RLBP1: variants seen among roughly 807,000 people sequenced by gnomAD.
The protein encoded by RLBP1 is retinaldehyde-binding protein 1.
RLBP1 carries 26 observed loss-of-function variants against 36.2 expected under a neutral mutation model. That is an observed-to-expected ratio of 0.72 (90% confidence interval 0.53 to 1.00). The LOEUF (loss-of-function observed/expected upper bound fraction) is 1.00. Among genes scored for constraint, RLBP1 ranks in the 50% least tolerant of loss-of-function variants. The pLI, the probability that RLBP1 is intolerant of heterozygous loss-of-function variation, is 0.00. For missense variants in RLBP1, 410 were observed against 402.4 expected, an observed-to-expected ratio of 1.02 and a Z score of -0.16; for synonymous variants, 155 against 156.2, an observed-to-expected ratio of 0.99 and a Z score of 0.06.
rs926913264 is a variant in RLBP1, at chr15:89,210,921, A to G, written c.685-112T>C. ...ATAGAACAGACTTGTCCAGCATCACAGGGCTGCCCTGGAGAAGGGCCCACT... is the reference window on the plus strand; with the variant it reads ...ATAGAACAGACTTGTCCAGCATCACGGGGCTGCCCTGGAGAAGGGCCCACT... On this transcript the variant is annotated intron_variant, in intron 7 of 8. Coordinates refer to ENST00000268125, the MANE Select transcript of RLBP1 (RefSeq NM_000326.5). The surrounding 1 kb of genome is among the most constrained non-coding windows in gnomAD (Gnocchi z 4.7). The G allele has an allele frequency of 4.1e-6, 3 of 737,752 alleles. No individual in the cohort carries two copies. The highest frequency in any genetic ancestry group is 3.5e-5 in the African/African-American group (2 of 57,042). The allele number at this position is 737,752 out of a possible 1,614,324, so 45.7% of individuals were successfully genotyped here.
At chr15:89,216,112 TC>T (rs1321788662) in intron 5 of RLBP1, among the ~76,000 whole-genome samples, 1 of 152,198 alleles carries the variant, frequency 6.6e-6, no homozygotes, top group Non-Finnish European at 1.5e-5. Flanking sequence ...GAATATGAGT[TC>T]CACCAGGGCA....
Position 89,216,379 on chromosome 15 carries a change from A to C in RLBP1, c.346+741T>G, listed in dbSNP as rs556335149. On this transcript the variant is annotated intron_variant, in intron 5 of 8. Coordinates refer to ENST00000268125, the MANE Select transcript of RLBP1 (RefSeq NM_000326.5). ...CTCTTGTTGCCCAGGCTGGAGTGCAATGGCACGATCTCAGCTCACCGCAAC... is the reference window on the plus strand; with the variant it reads ...CTCTTGTTGCCCAGGCTGGAGTGCACTGGCACGATCTCAGCTCACCGCAAC... 3.5e-3 allele frequency among the ~76,000 whole-genome samples: 526 copies of C among 151,542 alleles called. 6 individuals carry two copies. Among genetic ancestry groups the C allele is most frequent in the South Asian group, 4.2e-3 (20 of 4,800 alleles).
chr15:89,210,275 G>T lies in RLBP1; in HGVS notation c.*10C>A. On this transcript the variant is annotated 3_prime_UTR_variant, in exon 9 of 9. Transcript: ENST00000268125. This position sits in a 1 kb window ranked among gnomAD's most constrained non-coding sequence, Gnocchi z 4.7. The stretch of plus-strand genomic sequence containing the variant: ...GATTCTAACTACAGTTCAGCTGGCA[G>T]GAGATGTTTTCAGAAGGCTGTGTTC... 1 of 1,613,730 alleles carries T rather than the reference G, an allele frequency of 6.2e-7. No individual in the cohort carries two copies.
intron 1 of RLBP1, among the ~76,000 whole-genome samples, chr15:89,220,534 T>G (rs2051618033): frequency 6.6e-6 from 1 of 152,168 alleles, no homozygotes; most frequent in African/African-American, 2.4e-5. Flanking sequence ...TTCCTGCTCT[T>G]TCCACTCCAC....
At position 89,210,143 on chromosome 15, in the gene RLBP1, GT is replaced by G; in HGVS notation, c.*141del. 1.1e-6 allele frequency: 1 copy of G among 905,546 alleles called. No homozygotes were observed. Among genetic ancestry groups the G allele is most frequent in the Non-Finnish European group, 1.8e-6 (1 of 557,252 alleles). The allele number at this position is 905,546 out of a possible 1,614,324, so 56.1% of individuals were successfully genotyped here. On this transcript the variant is annotated 3_prime_UTR_variant, in exon 9 of 9. Coordinates refer to ENST00000268125, the MANE Select transcript of RLBP1 (RefSeq NM_000326.5). This position sits in a 1 kb window ranked among gnomAD's most constrained non-coding sequence, Gnocchi z 4.7. ...ACCCATCCCCCAACTTGAGAACAGG[GT>G]GACACCTGAGCTCACTCGGGCTTAG...
intron 6 of RLBP1, among the ~76,000 whole-genome samples, chr15:89,212,109 T>C (rs2051543314): frequency 6.6e-6 from 1 of 152,192 alleles, no homozygotes; most frequent in Admixed American, 6.5e-5. Flanking sequence ...TTTATCCCAG[T>C]ACTCTTGCAA....
At chr15:89,217,464 C>A in intron 4 of RLBP1, 140 bp from the exon 5 acceptor site, 1 of 784,628 alleles carries the variant, frequency 1.3e-6, no homozygotes, top group South Asian at 1.5e-5. Flanking sequence ...TTTTCTGCCC[C>A]AGGGGCAGCA....
rs2150971266 is a variant in RLBP1 at position 89,217,223 on chromosome 15, C to G, written c.243G>C (p.Ala81=). The G allele has an allele frequency of 6.2e-7, 1 of 1,613,108 alleles. No individual in the cohort carries two copies. The highest frequency in any genetic ancestry group is 8.5e-7 in the Non-Finnish European group (1 of 1,180,034). Reference sequence around the variant, plus strand: ...CTTGCACCCTCTCCGCCACGGCCACCGCCAGCTCCTCCCCCGAGGCCGCCT... The same window carrying G: ...CTTGCACCCTCTCCGCCACGGCCACGGCCAGCTCCTCCCCCGAGGCCGCCT... ...QAQAASGEEL[A]VAVAERVQEK... Residue 81 remains alanine (A), a synonymous_variant, in exon 5 of 9, where the codon GCG becomes GCC. Transcript: ENST00000268125.
chr15:89,220,963 A>G (rs1248866647), intron 1 of RLBP1, among the ~76,000 whole-genome samples: 1 of 151,896 alleles, frequency 6.6e-6, no homozygotes, highest in Non-Finnish European at 1.5e-5. Flanking sequence ...CTGCCATCTC[A>G]GATTACCAAT....
rs1156576236 is a variant in RLBP1, at chr15:89,214,277, A to G, written c.525+783T>C. 6.6e-6 allele frequency among the ~76,000 whole-genome samples: 1 copy of G among 152,126 alleles called. No individual in the cohort carries two copies. The highest frequency in any genetic ancestry group is 2.4e-5 in the African/African-American group (1 of 41,436). On this transcript the variant is annotated intron_variant, in intron 6 of 8. Transcript: ENST00000268125. The surrounding 1 kb of genome is among the most constrained non-coding windows in gnomAD (Gnocchi z 4.6). ...GGAGTTTGAGACCAGCCTGGCCAAC[A>G]TGGTGAAACCCCGTCTCTACTAAAA...
chr15:89,212,002 A>G (rs1307494850), intron 6 of RLBP1, 101 bp from the exon 7 acceptor site: 6 of 1,226,328 alleles, frequency 4.9e-6, no homozygotes, highest in African/African-American at 1.5e-5. Flanking sequence ...TCACTGGGGT[A>G]ATTTGCTGCA....
At chr15:89,212,021 T>C (rs1452448620) in intron 6 of RLBP1, 120 bp from the exon 7 acceptor site, 15 of 997,418 alleles carry the variant, frequency 1.5e-5, no homozygotes, top group African/African-American at 1.4e-4. Context: ...CAGGCTTTGA[T>C]CTCGGACATT....
intron 5 of RLBP1, among the ~76,000 whole-genome samples, chr15:89,215,904 C>G (rs2051576023): frequency 6.6e-6 from 1 of 152,194 alleles, no homozygotes; most frequent in East Asian, 1.9e-4. Context: ...CCTGGCTGCT[C>G]TTCCCCACAG....
chr15:89,210,521 G>A lies in RLBP1; in HGVS notation c.796-78C>T, dbSNP rs1030720704. 5.9e-6 allele frequency: 9 copies of A among 1,515,468 alleles called. No homozygotes were observed. The highest frequency in any genetic ancestry group is 1.7e-5 in the Admixed American group (1 of 58,562). 93.9% of individuals were successfully genotyped at this position (1,515,468 alleles called of 1,614,324 possible). ...GAGGGTTGAGGGAGGAAAGGGGCAG[G>A]AGGACAAAGCCCCATCATGTGCAGT... On this transcript the variant is annotated intron_variant, in intron 8 of 8. Transcript: ENST00000268125. The surrounding 1 kb of genome is among the most constrained non-coding windows in gnomAD (Gnocchi z 4.7).
At position 89,217,240 on chromosome 15, in the gene RLBP1, A is replaced by G. The variant is rs778384712; in HGVS notation, c.226T>C (p.Ser76Pro). The change falls in exon 5 of 9, where the codon TCG becomes CCG. Residue 76 changes from serine (S) to proline (P), a missense_variant. By Grantham distance (74) the Ser-to-Pro change is moderately conservative. Coordinates refer to ENST00000268125, the MANE Select transcript of RLBP1 (RefSeq NM_000326.5). ...ACGGCCACCGCCAGCTCCTCCCCCG[A>G]GGCCGCCTGCGCCTGCACCATCTCC... is the stretch of plus-strand genomic sequence containing the variant. ...LQEMVQAQAA[S>P]GEELAVAVAE... 1.2e-6 allele frequency: 2 copies of G among 1,612,098 alleles called. No homozygotes were observed. Among genetic ancestry groups the G allele is most frequent in the Non-Finnish European group, 1.7e-6 (2 of 1,180,022 alleles).
At position 89,210,499 on chromosome 15, in the gene RLBP1, G is replaced by A. The variant is rs185014529; in HGVS notation, c.796-56C>T. Reference sequence around the variant, plus strand: ...CAGGAGGAGGTGCCCTAAGGATGAGGGTTGAGGGAGGAAAGGGGCAGGAGG... The same window carrying A: ...CAGGAGGAGGTGCCCTAAGGATGAGAGTTGAGGGAGGAAAGGGGCAGGAGG... On this transcript the variant is annotated intron_variant, in intron 8 of 8. Coordinates refer to ENST00000268125, the MANE Select transcript of RLBP1 (RefSeq NM_000326.5). This position sits in a 1 kb window ranked among gnomAD's most constrained non-coding sequence, Gnocchi z 4.7. 1.9e-6 allele frequency: 3 copies of A among 1,592,262 alleles called. No individual in the cohort carries two copies. The highest frequency in any genetic ancestry group is 2.6e-6 in the Non-Finnish European group (3 of 1,160,870).
intron 5 of RLBP1, 119 bp downstream of exon 5, chr15:89,217,001 C>T (rs2051585612): frequency 1.5e-5 from 15 of 1,031,202 alleles, no homozygotes; most frequent in Non-Finnish European, 1.9e-5. Context: ...TGTGGAGGCT[C>T]AGAGAAACTG....
chr15:89,217,364 G>A, intron 4 of RLBP1, 40 bp from the exon 5 acceptor site: 1 of 1,584,542 alleles, frequency 6.3e-7, no homozygotes, highest in Non-Finnish European at 8.6e-7. Flanking sequence ...AAACTTAGGT[G>A]CGGGTGAGGG....
At chr15:89,219,443 G>C (rs2051609285) in intron 2 of RLBP1, 1 of 190,534 alleles carries the variant, frequency 5.2e-6, no homozygotes, top group Non-Finnish European at 1.1e-5. Flanking sequence ...TCCCTCCTGT[G>C]GCCATCCTTC....
Sources: gnomAD v4.1 joint callset for allele counts (sites outside exome capture counted in the v4.1 genomes callset) on GRCh38, gnomAD v4.1.1 for gene constraint, Gnocchi (gnomAD v3.1) non-coding constraint, MANE v1.5 for transcripts, NCBI Gene and HGNC (gene_info 2026-07-23, HGNC 2026-07-21) for gene names.